The following GRID2 variants were observed in gnomAD, a reference collection of about 807,000 sequenced individuals.
GRID2 encodes the protein glutamate receptor ionotropic, delta-2.
Under a neutral mutation model 114.8 loss-of-function variants are expected in GRID2, and 33 were observed. That is an observed-to-expected ratio of 0.29 (90% CI 0.22 to 0.38). The LOEUF (loss-of-function observed/expected upper bound fraction) is 0.38, where lower values mean the gene tolerates loss of function less well. GRID2 is among the 10% of genes least tolerant of loss of function. The probability of loss-of-function intolerance (pLI) is 1.00; values close to 1 mark genes in which losing one functional copy is unlikely to be tolerated. For synonymous variants in GRID2, 505 were observed against 449.9 expected (o/e 1.12, Z -1.55); for missense variants, 1,184 against 1,257.7 (o/e 0.94, Z 0.89).
chr4:92,738,317 T>C (rs1736702040), intron 2 of GRID2, among the ~76,000 whole-genome samples: 1 of 152,136 alleles, frequency 6.6e-6, no homozygotes, highest in Admixed American at 6.6e-5. Context: ...TCTATGGAGA[T>C]GATAGTACTT....
chr4:93,153,604 G>A (rs180670694), intron 4 of GRID2, among the ~76,000 whole-genome samples: 4 of 152,106 alleles, frequency 2.6e-5, no homozygotes, highest in African/African-American at 4.8e-5. Flanking sequence ...ATTCCAGGCC[G>A]GGACATAGCA....
rs1388065185 is a variant in GRID2, at chr4:93,016,038, TG to T, written c.245-68953del. 2.8e-5 allele frequency among the ~76,000 whole-genome samples: 4 copies of T among 145,386 alleles called. No homozygotes were observed. The Admixed American group carries it at 2.9e-4, about 10-fold the overall frequency. The stretch of plus-strand genomic sequence containing the variant: ...AGAGTTAAGATAATGTGTTTTTTTT[TG>T]GGGAGGGGGAAGTGTGTGTGTGAGT... On this transcript the variant is annotated intron_variant, in intron 2 of 15. Transcript: ENST00000282020.
At chr4:93,477,441 A>G (rs764031809) in intron 11 of GRID2, among the ~76,000 whole-genome samples, 11 of 152,122 alleles carry the variant, frequency 7.2e-5, no homozygotes, top group Non-Finnish European at 1.5e-4. Context: ...ATGCAAACCT[A>G]TGAATTAGTG....
chr4:92,777,828 A>C (rs998666337), intron 2 of GRID2, among the ~76,000 whole-genome samples: 1 of 151,968 alleles, frequency 6.6e-6, no homozygotes, highest in Non-Finnish European at 1.5e-5. Context: ...CCCTGCCAAC[A>C]CCTTGACTTT....
At chr4:93,466,047 G>T (rs1055894826) in intron 11 of GRID2, among the ~76,000 whole-genome samples, 1 of 152,000 alleles carries the variant, frequency 6.6e-6, no homozygotes, top group East Asian at 1.9e-4. Context: ...CTTAGGTTTT[G>T]GGGGGATTAA....
At chr4:92,618,731 C>A (rs1403393052) in intron 2 of GRID2, among the ~76,000 whole-genome samples, 1 of 151,652 alleles carries the variant, frequency 6.6e-6, no homozygotes, top group Non-Finnish European at 1.5e-5. Flanking sequence ...TGGCCAAATA[C>A]TATACACTTC....
intron 2 of GRID2, among the ~76,000 whole-genome samples, chr4:92,689,040 C>T (rs1389962967): frequency 6.6e-6 from 1 of 152,132 alleles, no homozygotes; most frequent in Non-Finnish European, 1.5e-5. Flanking sequence ...CTAGGGTGAT[C>T]AAGACCAGTA....
chr4:93,682,501 A>G (rs1005556096), intron 14 of GRID2, among the ~76,000 whole-genome samples: 7 of 152,074 alleles, frequency 4.6e-5, no homozygotes, highest in African/African-American at 1.7e-4. Context: ...TTGTGGCACT[A>G]TTCACAATAG....
chr4:93,547,175 A>C (rs2149536400), intron 13 of GRID2, among the ~76,000 whole-genome samples: 1 of 152,282 alleles, frequency 6.6e-6, no homozygotes, highest in Admixed American at 6.5e-5. Flanking sequence ...AGAGTTTCTC[A>C]ACAGTAAATA....
rs199622998 is a variant in GRID2 at position 92,629,778 on chromosome 4, C to CT, written c.244+39504dup. 4.1e-4 allele frequency among the ~76,000 whole-genome samples: 57 copies of CT among 140,006 alleles called. 1 individual carries two copies. The highest frequency in any genetic ancestry group is 8.8e-4 in the South Asian group (4 of 4,530). 91.8% of individuals were successfully genotyped at this position (140,006 alleles called of 152,430 possible). On this transcript the variant is annotated intron_variant, in intron 2 of 15. Transcript: ENST00000282020. ...GCACATATTTTAAAATATGTTTTTT[C>CT]TTTTTTTTTTTTCTTGTTCTTTACT... is the stretch of plus-strand genomic sequence containing the variant.
chr4:92,652,494 A>G (rs973004666), intron 2 of GRID2, among the ~76,000 whole-genome samples: 3 of 151,506 alleles, frequency 2.0e-5, no homozygotes, highest in African/African-American at 2.4e-5. Flanking sequence ...CCTGGGCACC[A>G]TTTTATGACC....
chr4:93,645,110 C>A (rs1049390267), intron 14 of GRID2, among the ~76,000 whole-genome samples: 3 of 152,020 alleles, frequency 2.0e-5, no homozygotes, highest in Non-Finnish European at 4.4e-5. Context: ...AAAGGCCTGA[C>A]CTGGAGTGAA....
chr4:93,182,536 T>C (rs1394009164), intron 4 of GRID2, among the ~76,000 whole-genome samples: 1 of 152,178 alleles, frequency 6.6e-6, no homozygotes, highest in African/African-American at 2.4e-5. Context: ...TTCTCTCTAC[T>C]TCAGTTATGT....
At chr4:93,673,265 T>G (rs1159192178) in intron 14 of GRID2, among the ~76,000 whole-genome samples, 2 of 152,210 alleles carry the variant, frequency 1.3e-5, no homozygotes, top group Non-Finnish European at 2.9e-5. Flanking sequence ...AGGAAGCACT[T>G]TATGTATTAC....
At chr4:93,251,362 A>AT (rs1561044878) in intron 8 of GRID2, among the ~76,000 whole-genome samples, 1 of 152,060 alleles carries the variant, frequency 6.6e-6, no homozygotes, top group South Asian at 2.1e-4. Context: ...TTGAAGCTCT[A>AT]TTTTTTTAAA....
intron 8 of GRID2, among the ~76,000 whole-genome samples, chr4:93,341,230 C>T (rs1037682817): frequency 1.3e-5 from 2 of 152,042 alleles, no homozygotes; most frequent in South Asian, 4.1e-4. Flanking sequence ...CTACATATGA[C>T]CAAATGTAAA....
chr4:92,756,548 C>T (rs1256894702), intron 2 of GRID2, among the ~76,000 whole-genome samples: 1 of 152,048 alleles, frequency 6.6e-6, no homozygotes, highest in Non-Finnish European at 1.5e-5. Flanking sequence ...CTTCTACTAA[C>T]TTGTATTCCC....
At chr4:92,815,118 T>A (rs949475797) in intron 2 of GRID2, among the ~76,000 whole-genome samples, 3 of 152,166 alleles carry the variant, frequency 2.0e-5, no homozygotes, top group African/African-American at 4.8e-5. Flanking sequence ...AATACATTCT[T>A]AACTTTCCTT....
chr4:93,348,022 C>T (rs1760414801), intron 8 of GRID2, among the ~76,000 whole-genome samples: 1 of 152,064 alleles, frequency 6.6e-6, no homozygotes, highest in South Asian at 2.1e-4. Flanking sequence ...TCTTTATATA[C>T]TTGTGAAATG....
Sources: allele counts gnomAD v4.1 joint callset (sites outside exome capture counted in the v4.1 genomes callset), GRCh38; gene constraint gnomAD v4.1.1; transcripts MANE v1.5; gene names NCBI Gene and HGNC (gene_info 2026-07-23, HGNC 2026-07-21).